IQCH: variants seen among roughly 807,000 people sequenced by gnomAD.
IQCH encodes the protein IQ domain-containing protein H.
In IQCH, 98 loss-of-function variants were observed where a neutral mutation model predicts 117.0. That is an observed-to-expected ratio of 0.84 (90% confidence interval 0.71 to 0.99). IQCH has a LOEUF of 0.99. Among genes scored for constraint, IQCH ranks in the 50% least tolerant of loss-of-function variants. The probability of loss-of-function intolerance (pLI) is 0.00; values close to 1 mark genes in which losing one functional copy is unlikely to be tolerated. For synonymous variants in IQCH, 412 were observed against 448.2 expected (o/e 0.92, Z 1.02); for missense variants, 1,102 against 1,243.8 (o/e 0.89, Z 1.72).
At chr15:67,415,633 T>C (rs935350526) in intron 14 of IQCH, among the ~76,000 whole-genome samples, 2 of 152,140 alleles carry the variant, frequency 1.3e-5, no homozygotes, top group African/African-American at 2.4e-5. Context: ...TAGAGGACAA[T>C]CACTTTTTAA....
chr15:67,359,284 G>A lies in IQCH; in HGVS notation c.715-563G>A, dbSNP rs1392995014. Among the ~76,000 whole-genome samples the A allele has an allele frequency of 6.6e-6, 1 of 152,156 alleles. No individual in the cohort carries two copies. The highest frequency in any genetic ancestry group is 1.5e-5 in the Non-Finnish European group (1 of 68,028). The stretch of plus-strand genomic sequence containing the variant: ...AATGACATATTTTCTGAATGCTAAT[G>A]AGCCCTGGCTTTAATTTTCTCTGTT... On this transcript the variant is annotated intron_variant, in intron 7 of 20. Coordinates refer to ENST00000335894, the MANE Select transcript of IQCH (RefSeq NM_001031715.3). The surrounding 1 kb of genome is among the most constrained non-coding windows in gnomAD (Gnocchi z 4.5).
intron 4 of IQCH, chr15:67,304,453 T>C: frequency 1.4e-6 from 2 of 1,461,678 alleles, no homozygotes; most frequent in Non-Finnish European, 9.2e-7. Context: ...GAGAAAAGCA[T>C]GTGTAAGTAA....
At chr15:67,305,786 A>G (rs1967263978) in intron 4 of IQCH, among the ~76,000 whole-genome samples, 1 of 152,130 alleles carries the variant, frequency 6.6e-6, no homozygotes, top group Admixed American at 6.6e-5. Context: ...ATGAATCTGA[A>G]TGAAGATTCA....
chr15:67,450,985 T>G (rs569842104), intron 16 of IQCH, among the ~76,000 whole-genome samples: 2 of 152,380 alleles, frequency 1.3e-5, no homozygotes, highest in South Asian at 4.1e-4. Context: ...TGTCCATTTC[T>G]TCTAGATTTT....
chr15:67,283,015 AAATATCAGT>A (rs1362151032), intron 4 of IQCH, among the ~76,000 whole-genome samples: 2 of 152,200 alleles, frequency 1.3e-5, no homozygotes, highest in Non-Finnish European at 2.9e-5. Context: ...ATCAGTGATG[AAATATCAGT>A]AAGTAGTATT....
At chr15:67,273,382 C>G (rs116238267) in intron 3 of IQCH, among the ~76,000 whole-genome samples, 2 of 152,114 alleles carry the variant, frequency 1.3e-5, no homozygotes, top group African/African-American at 4.8e-5. Flanking sequence ...AGCCACCATG[C>G]CCAGCCCATT....
At chr15:67,291,120 T>C (rs1966736876) in intron 4 of IQCH, among the ~76,000 whole-genome samples, 1 of 152,208 alleles carries the variant, frequency 6.6e-6, no homozygotes, top group Admixed American at 6.5e-5. Context: ...CACTGTGTTG[T>C]AACTGTCTCA....
At chr15:67,306,825 G>T (rs1308381609) in intron 4 of IQCH, 28 of 1,530,646 alleles carry the variant, frequency 1.8e-5, no homozygotes, top group Non-Finnish European at 2.4e-5. Context: ...ATTTTTTCTA[G>T]TAGGTCCTCA....
At position 67,416,049 on chromosome 15, in the gene IQCH, C is replaced by G. The variant is rs1337035901; in HGVS notation, c.2098-882C>G. On this transcript the variant is annotated intron_variant, in intron 14 of 20. Coordinates refer to ENST00000335894, the MANE Select transcript of IQCH (RefSeq NM_001031715.3). The surrounding 1 kb of genome is among the most constrained non-coding windows in gnomAD (Gnocchi z 5.1). ...CTGTACTCTAGCCTAGGTGACACAG[C>G]AAGACCCTGTCTCAAAAAATTTTTT... Among the ~76,000 whole-genome samples, 1 of 151,978 alleles carries G rather than the reference C, an allele frequency of 6.6e-6. No individual in the cohort carries two copies. Among genetic ancestry groups the G allele is most frequent in the Non-Finnish European group, 1.5e-5 (1 of 67,998 alleles).
chr15:67,333,213 G>T (rs1018625721), intron 4 of IQCH, among the ~76,000 whole-genome samples: 4 of 152,160 alleles, frequency 2.6e-5, no homozygotes, highest in Non-Finnish European at 5.9e-5. Context: ...ATTTAGGAGG[G>T]ACACTAACTT....
At chr15:67,264,250 A>G (rs1486739649) in intron 3 of IQCH, among the ~76,000 whole-genome samples, 1 of 152,258 alleles carries the variant, frequency 6.6e-6, no homozygotes, top group Admixed American at 6.5e-5. Flanking sequence ...ACACAGTTTC[A>G]TCCCTACTGC....
At chr15:67,272,379 TA>T (rs1243343583) in intron 3 of IQCH, among the ~76,000 whole-genome samples, 2 of 152,194 alleles carry the variant, frequency 1.3e-5, no homozygotes, top group African/African-American at 4.8e-5. Flanking sequence ...CATGTGCTGA[TA>T]AAAAAGAATG....
In IQCH at chr15:67,322,497, G is replaced by GAA. The variant is rs1968182011; in HGVS notation, c.388-14477_388-14476insAA. On this transcript the variant is annotated intron_variant, in intron 4 of 20. Coordinates refer to ENST00000335894, the MANE Select transcript of IQCH (RefSeq NM_001031715.3). ...ATTTAATGAAATTTAGATATGGTTT[G>GAA]ATTTAGAACAACTGACACAGGACTT... 3.3e-5 allele frequency among the ~76,000 whole-genome samples: 5 copies of GAA among 152,148 alleles called. No individual in the cohort carries two copies. The South Asian group carries it at 1.0e-3, about 32-fold the overall frequency.
At chr15:67,410,268 T>C (rs2081414562) in intron 14 of IQCH, among the ~76,000 whole-genome samples, 1 of 152,234 alleles carries the variant, frequency 6.6e-6, no homozygotes, top group Admixed American at 6.5e-5. Flanking sequence ...TATCTCAAAA[T>C]GGCTTTAAAA....
At position 67,366,720 on chromosome 15, in the gene IQCH, C is replaced by T. The variant is rs1970344820; in HGVS notation, c.754-5391C>T. Among the ~76,000 whole-genome samples, 3 of 152,104 alleles carry T rather than the reference C, an allele frequency of 2.0e-5. No homozygotes were observed. Among genetic ancestry groups the T allele is most frequent in the Admixed American group, 2.0e-4 (3 of 15,272 alleles). On this transcript the variant is annotated intron_variant, in intron 8 of 20. Transcript: ENST00000335894. This position sits in a 1 kb window ranked among gnomAD's most constrained non-coding sequence, Gnocchi z 4.4. Reference sequence around the variant, plus strand: ...AATTGGCACTTAAGGATTACTTAGACAGTTTCTAGATATTATGAACTGAGA... The same window carrying T: ...AATTGGCACTTAAGGATTACTTAGATAGTTTCTAGATATTATGAACTGAGA...
chr15:67,260,567 A>G (rs1389757983), intron 1 of IQCH, among the ~76,000 whole-genome samples: 1 of 152,108 alleles, frequency 6.6e-6, no homozygotes, highest in Non-Finnish European at 1.5e-5. Flanking sequence ...TTCTGCTACA[A>G]CTTCTTTGCT....
In IQCH at chr15:67,431,355, G is replaced by T. The variant is rs953440939; in HGVS notation, c.2505+9778G>T. The stretch of plus-strand genomic sequence containing the variant: ...TGCAGGGACATGGATGTAGCTGGAG[G>T]TCATTATCCTTAGTAAACTAACACA... On this transcript the variant is annotated intron_variant, in intron 16 of 20. Transcript: ENST00000335894. This position sits in a 1 kb window ranked among gnomAD's most constrained non-coding sequence, Gnocchi z 4.8. 1.3e-5 allele frequency among the ~76,000 whole-genome samples: 2 copies of T among 152,128 alleles called. No homozygotes were observed. The highest frequency in any genetic ancestry group is 6.5e-5 in the Admixed American group (1 of 15,274).
rs1232865681 is a variant in IQCH, at chr15:67,408,825, T to A, written c.2098-8106T>A. On this transcript the variant is annotated intron_variant, in intron 14 of 20. Transcript: ENST00000335894. This position sits in a 1 kb window ranked among gnomAD's most constrained non-coding sequence, Gnocchi z 4.2. ...GAAAGAAAGACCCTATTACCAGTAA[T>A]GATAATTATGGCTACTTCTACTTAT... Among the ~76,000 whole-genome samples, 1 of 152,224 alleles carries A rather than the reference T, an allele frequency of 6.6e-6. No homozygotes were observed. Among genetic ancestry groups the A allele is most frequent in the Non-Finnish European group, 1.5e-5 (1 of 68,038 alleles).
In IQCH at chr15:67,384,263, G is replaced by A. The variant is rs745596111; in HGVS notation, c.1373-673G>A. On this transcript the variant is annotated intron_variant, in intron 10 of 20. Coordinates refer to ENST00000335894, the MANE Select transcript of IQCH (RefSeq NM_001031715.3). The surrounding 1 kb of genome is among the most constrained non-coding windows in gnomAD (Gnocchi z 4.3). ...TGAAATATCAGCAGAAAGTATTTCC[G>A]CTGTTGTTTCTTTTGTGAGAGATTT... 1.0e-3 allele frequency among the ~76,000 whole-genome samples: 152 copies of A among 151,912 alleles called. 1 individual carries two copies. The highest frequency in any genetic ancestry group is 3.4e-3 in the Middle Eastern group (1 of 294).
Sources: allele counts gnomAD v4.1 joint callset (sites outside exome capture counted in the v4.1 genomes callset), GRCh38; gene constraint gnomAD v4.1.1; non-coding constraint Gnocchi (gnomAD v3.1); transcripts MANE v1.5; gene names NCBI Gene and HGNC (gene_info 2026-07-23, HGNC 2026-07-21).